Variants in DHRSX observed in about 807,000 individuals in gnomAD.
DHRSX encodes polyprenol dehydrogenase.
A neutral mutation model predicts 34.0 loss-of-function variants in DHRSX; 31 were observed. The observed-to-expected ratio is 0.91, with a 90% confidence interval of 0.69 to 1.23. The LOEUF is 1.23. Among genes scored for constraint, DHRSX ranks in the 50% most tolerant of loss-of-function variants. DHRSX has a pLI of 0.00. For missense variants in DHRSX, 414 were observed against 428.1 expected (o/e 0.97, Z 0.29); for synonymous variants, 201 against 183.8 (o/e 1.09, Z -0.76).
At chrX:2,238,775 G>A (rs1172167184) in intron 6 of DHRSX, among the ~76,000 whole-genome samples, 3 of 151,134 alleles carry the variant, frequency 2.0e-5, no homozygotes, top group African/African-American at 7.3e-5. Flanking sequence ...AATAGAGATG[G>A]TGTTTCACCA....
chrX:2,267,802 T>A (rs1369403810), intron 4 of DHRSX, among the ~76,000 whole-genome samples: 8 of 151,662 alleles, frequency 5.3e-5, no homozygotes, highest in Admixed American at 1.3e-4. Flanking sequence ...AAAAAATTAG[T>A]GGGTGTGGTG....
intron 5 of DHRSX, among the ~76,000 whole-genome samples, chrX:2,259,723 G>C (rs1399525303): frequency 1.3e-5 from 2 of 152,138 alleles, no homozygotes; most frequent in African/African-American, 4.8e-5. Flanking sequence ...GCCTTTCCCA[G>C]CTTCTGGGGG....
chrX:2,331,381 C>T (rs759963880), intron 3 of DHRSX, among the ~76,000 whole-genome samples: 4 of 149,198 alleles, frequency 2.7e-5, no homozygotes, highest in African/African-American at 9.8e-5. Context: ...TGCCATGAAT[C>T]ACCAAGGTTC....
At chrX:2,315,885 AG>A (rs2042236386) in intron 3 of DHRSX, among the ~76,000 whole-genome samples, 1 of 152,194 alleles carries the variant, frequency 6.6e-6, no homozygotes, top group Admixed American at 6.6e-5. Flanking sequence ...TCTTTGAGAC[AG>A]AGTCTCACTC....
intron 2 of DHRSX, among the ~76,000 whole-genome samples, chrX:2,424,920 G>C (rs1315356801): frequency 1.3e-5 from 2 of 151,976 alleles, no homozygotes; most frequent in Non-Finnish European, 2.9e-5. Context: ...CAGGCGGATG[G>C]CTTGAGCTCA....
chrX:2,234,957 C>T (rs1399054655), intron 6 of DHRSX, among the ~76,000 whole-genome samples: 10 of 152,206 alleles, frequency 6.6e-5, no homozygotes, highest in East Asian at 5.8e-4. Flanking sequence ...GTGATCCACC[C>T]GCCTCAGCCT....
At chrX:2,312,990 C>T (rs947544110) in intron 3 of DHRSX, among the ~76,000 whole-genome samples, 32 of 146,774 alleles carry the variant, frequency 2.2e-4, no homozygotes, top group Non-Finnish European at 3.7e-4. Flanking sequence ...CCCTCGGGCC[C>T]AGCTTCAAGA....
At chrX:2,356,673 T>A (rs2042856564) in intron 3 of DHRSX, among the ~76,000 whole-genome samples, 1 of 152,138 alleles carries the variant, frequency 6.6e-6, no homozygotes, top group East Asian at 1.9e-4. Flanking sequence ...CCAACCTCCC[T>A]CTTCCTCCTT....
intron 5 of DHRSX, among the ~76,000 whole-genome samples, chrX:2,260,907 C>T (rs2041355165): frequency 6.6e-6 from 1 of 152,116 alleles, no homozygotes; most frequent in Non-Finnish European, 1.5e-5. Flanking sequence ...GGACATAACT[C>T]TTCAGATAAG....
At chrX:2,253,959 G>A (rs1270297493) in intron 5 of DHRSX, among the ~76,000 whole-genome samples, 2 of 152,216 alleles carry the variant, frequency 1.3e-5, no homozygotes, top group East Asian at 3.9e-4. Flanking sequence ...TACTCGGGAG[G>A]TTGAGGCAGG....
intron 1 of DHRSX, among the ~76,000 whole-genome samples, chrX:2,457,507 CAA>C (rs1375966003): frequency 2.1e-5 from 3 of 143,688 alleles, no homozygotes; most frequent in Non-Finnish European, 4.6e-5. Flanking sequence ...GGACAGCACT[CAA>C]GACATTCCCT....
At chrX:2,438,306 T>TACACACACACACACACACACACAC (rs113154779) in intron 1 of DHRSX, among the ~76,000 whole-genome samples, 1 of 149,546 alleles carries the variant, frequency 6.7e-6, no homozygotes, top group Admixed American at 6.7e-5. Flanking sequence ...ACAGAATGCA[T>TACACACACACACACACACACACAC]ACACACACAC....
intron 3 of DHRSX, among the ~76,000 whole-genome samples, chrX:2,379,521 C>T (rs1188286197): frequency 4.0e-5 from 6 of 150,088 alleles, no homozygotes; most frequent in Admixed American, 1.3e-4. Flanking sequence ...GAAATTCCCC[C>T]GTAAAAGACG....
At chrX:2,351,213 G>T (rs185518521) in intron 3 of DHRSX, among the ~76,000 whole-genome samples, 1 of 152,244 alleles carries the variant, frequency 6.6e-6, no homozygotes, top group Admixed American at 6.6e-5. Context: ...GAACCTGCAC[G>T]TTCTGCACAT....
intron 4 of DHRSX, among the ~76,000 whole-genome samples, chrX:2,283,476 C>T (rs185534705): frequency 1.3e-5 from 2 of 152,174 alleles, no homozygotes; most frequent in African/African-American, 4.8e-5. Flanking sequence ...CGATGCAACA[C>T]TTTCCGTCTT....
chrX:2,494,541 G>A (rs1487492248), intron 1 of DHRSX, among the ~76,000 whole-genome samples: 10 of 151,736 alleles, frequency 6.6e-5, no homozygotes, highest in Non-Finnish European at 1.0e-4. Flanking sequence ...AAAGAAGTCC[G>A]GGTACCTGGA....
intron 2 of DHRSX, among the ~76,000 whole-genome samples, chrX:2,420,601 GGT>G (rs1341870816): frequency 6.6e-6 from 1 of 150,848 alleles, no homozygotes; most frequent in Non-Finnish European, 1.5e-5. Context: ...AAATTAGCTG[GGT>G]GTGGTGGTGT....
chrX:2,227,594 GAAA>G lies in DHRSX; in HGVS notation c.805-6368_805-6366del, dbSNP rs371762118. 2.4e-3 allele frequency among the ~76,000 whole-genome samples: 163 copies of G among 68,168 alleles called. 1 individual carries two copies. Among genetic ancestry groups the G allele is most frequent in the African/African-American group, 8.9e-3 (154 of 17,286 alleles). 44.7% of individuals were successfully genotyped at this position (68,168 alleles called of 152,430 possible). A position where few individuals can be genotyped will look rare whatever the true frequency, so the allele number is the denominator to read the frequency against. ...AGGGAGGAAGGGAAGGATGAAAAAA[GAAA>G]AAAAAACAGGAAGGAAGCAAAGAAG... is the stretch of plus-strand genomic sequence containing the variant. On this transcript the variant is annotated intron_variant, in intron 6 of 6. Coordinates refer to ENST00000334651, the MANE Select transcript of DHRSX (RefSeq NM_145177.3).
chrX:2,475,765 C>T, intron 1 of DHRSX, among the ~76,000 whole-genome samples: 1 of 152,252 alleles, frequency 6.6e-6, no homozygotes, highest in South Asian at 2.1e-4. Context: ...AAGACCTTCC[C>T]TAATACAAAA....
Sources: allele counts gnomAD v4.1 joint callset (sites outside exome capture counted in the v4.1 genomes callset), GRCh38; gene constraint gnomAD v4.1.1; transcripts MANE v1.5; gene names NCBI Gene and HGNC (gene_info 2026-07-23, HGNC 2026-07-21).